Variants in MEIKIN observed in about 807,000 individuals in gnomAD.
The protein encoded by MEIKIN is meiosis-specific kinetochore protein.
At chr5:131,830,055 T>C (rs1300665488) in intron 11 of MEIKIN, among the ~76,000 whole-genome samples, 2 of 152,146 alleles carry the variant, frequency 1.3e-5, no homozygotes, top group South Asian at 2.1e-4. Context: ...GTGGTCACAG[T>C]TTACTGTATG....
chr5:131,848,862 C>G (rs1157217130), intron 11 of MEIKIN, among the ~76,000 whole-genome samples: 1 of 151,936 alleles, frequency 6.6e-6, no homozygotes, highest in Non-Finnish European at 1.5e-5. Flanking sequence ...AAGGATGGTT[C>G]AACATACAAA....
intron 8 of MEIKIN, among the ~76,000 whole-genome samples, chr5:131,880,358 C>T (rs77391718): frequency 2.0e-5 from 3 of 151,512 alleles, no homozygotes; most frequent in Admixed American, 6.6e-5. Flanking sequence ...CCGCCTCGGC[C>T]TCTCAAAGTG....
chr5:131,820,575 C>G (rs1431585019), intron 11 of MEIKIN, among the ~76,000 whole-genome samples: 2 of 152,124 alleles, frequency 1.3e-5, no homozygotes, highest in Non-Finnish European at 2.9e-5. Context: ...CTCCATTTTT[C>G]AGAACAGTTT....
chr5:131,919,195 G>A (rs760203397), intron 6 of MEIKIN, among the ~76,000 whole-genome samples: 2 of 151,910 alleles, frequency 1.3e-5, no homozygotes, highest in African/African-American at 4.8e-5. Context: ...ACCTATTAGA[G>A]TAGCAAAAAT....
At chr5:131,892,716 G>A (rs1257439343) in intron 8 of MEIKIN, among the ~76,000 whole-genome samples, 2 of 152,274 alleles carry the variant, frequency 1.3e-5, no homozygotes, top group Admixed American at 6.5e-5. Context: ...CTCTCAACTC[G>A]TCAAAGTCAT....
At chr5:131,856,971 T>C (rs1434393427) in intron 9 of MEIKIN, among the ~76,000 whole-genome samples, 5 of 151,600 alleles carry the variant, frequency 3.3e-5, no homozygotes, top group Non-Finnish European at 2.9e-5. Flanking sequence ...TTTATTTTTA[T>C]TATACTTTAA....
chr5:131,923,818 TA>T (rs1325361179), intron 5 of MEIKIN, among the ~76,000 whole-genome samples: 2 of 151,986 alleles, frequency 1.3e-5, no homozygotes, highest in Non-Finnish European at 2.9e-5. Context: ...TTTTAATATT[TA>T]AAATTATTTT....
chr5:131,887,784 T>A (rs1446876425), intron 8 of MEIKIN, among the ~76,000 whole-genome samples: 1 of 151,862 alleles, frequency 6.6e-6, no homozygotes, highest in Non-Finnish European at 1.5e-5. Context: ...TGTATACATG[T>A]GCCATGTTGG....
chr5:131,884,228 T>C (rs571730977), intron 8 of MEIKIN, among the ~76,000 whole-genome samples: 1 of 152,182 alleles, frequency 6.6e-6, no homozygotes, highest in African/African-American at 2.4e-5. Flanking sequence ...AAGGGAGTGC[T>C]TGTGCCACCC....
At chr5:131,836,414 A>G (rs1164049161) in intron 11 of MEIKIN, among the ~76,000 whole-genome samples, 1 of 152,210 alleles carries the variant, frequency 6.6e-6, no homozygotes, top group Non-Finnish European at 1.5e-5. Context: ...TATATACCCA[A>G]TAATGAAATT....
At chr5:131,875,818 C>T (rs1452514802) in intron 9 of MEIKIN, among the ~76,000 whole-genome samples, 1 of 152,118 alleles carries the variant, frequency 6.6e-6, no homozygotes, top group Non-Finnish European at 1.5e-5. Flanking sequence ...TGGAACAGAA[C>T]ACAGCACTCA....
chr5:131,855,256 T>C (rs1219212095), intron 9 of MEIKIN, among the ~76,000 whole-genome samples: 1 of 152,186 alleles, frequency 6.6e-6, no homozygotes, highest in Non-Finnish European at 1.5e-5. Flanking sequence ...TATAAGTTAT[T>C]TCTGGAGCTG....
chr5:131,818,634 T>C (rs1392414272), intron 12 of MEIKIN, 106 bp downstream of exon 12: 1 of 376,934 alleles, frequency 2.7e-6, no homozygotes, highest in African/African-American at 2.1e-5. Context: ...GCAAGAACTC[T>C]TAGAATACAA....
intron 11 of MEIKIN, among the ~76,000 whole-genome samples, chr5:131,821,904 C>T (rs953746077): frequency 6.6e-6 from 1 of 152,010 alleles, no homozygotes; most frequent in African/African-American, 2.4e-5. Context: ...GGATTACAGA[C>T]ATGAGCCACC....
At chr5:131,889,023 A>C (rs1415325609) in intron 8 of MEIKIN, among the ~76,000 whole-genome samples, 3 of 152,120 alleles carry the variant, frequency 2.0e-5, no homozygotes, top group Admixed American at 6.5e-5. Flanking sequence ...ATAGTTGTAG[A>C]TAAGTGGCAT....
intron 8 of MEIKIN, among the ~76,000 whole-genome samples, chr5:131,885,340 A>AG: frequency 8.7e-6 from 1 of 114,442 alleles, no homozygotes; most frequent in Non-Finnish European, 1.7e-5. Context: ...CTCAGAACTG[A>AG]AAGAGAGAGA....
intron 9 of MEIKIN, among the ~76,000 whole-genome samples, chr5:131,866,041 T>C (rs1487604603): frequency 6.6e-6 from 1 of 152,228 alleles, no homozygotes; most frequent in Non-Finnish European, 1.5e-5. Context: ...GTGCCAGGTA[T>C]GGCAGCAGTA....
At chr5:131,826,994 AT>A (rs907636053) in intron 11 of MEIKIN, among the ~76,000 whole-genome samples, 5 of 151,994 alleles carry the variant, frequency 3.3e-5, no homozygotes, top group African/African-American at 7.2e-5. Flanking sequence ...GAAAAAGTTA[AT>A]TTTTTTTTAA....
At chr5:131,829,461 T>C (rs117677189) in intron 11 of MEIKIN, among the ~76,000 whole-genome samples, 60 of 152,124 alleles carry the variant, frequency 3.9e-4, no homozygotes, top group East Asian at 3.1e-3. Context: ...CAGAGAGCAA[T>C]AGCACCCTAT....
Sources: allele counts gnomAD v4.1 joint callset (sites outside exome capture counted in the v4.1 genomes callset), GRCh38; gene constraint gnomAD v4.1.1; transcripts MANE v1.5; gene names NCBI Gene and HGNC (gene_info 2026-07-23, HGNC 2026-07-21).